Variants in CRYBG1 observed in about 807,000 individuals in gnomAD.
The protein encoded by CRYBG1 is beta/gamma crystallin domain-containing protein 1.
CRYBG1 carries 139 observed loss-of-function variants against 189.2 expected under a neutral mutation model. The observed-to-expected ratio is 0.73, with a 90% confidence interval of 0.64 to 0.85. The LOEUF (loss-of-function observed/expected upper bound fraction) is 0.85. Among genes scored for constraint, CRYBG1 ranks in the 40% least tolerant of loss-of-function variants. The pLI, the probability that CRYBG1 is intolerant of heterozygous loss-of-function variation, is 0.00. For synonymous variants in CRYBG1, 1,023 were observed against 1,017.1 expected, an observed-to-expected ratio of 1.01 and a Z score of -0.11; for missense variants, 2,611 against 2,675.8, an observed-to-expected ratio of 0.98 and a Z score of 0.53.
At chr6:106,510,016 T>A (rs1773213261) in intron 2 of CRYBG1, among the ~76,000 whole-genome samples, 1 of 152,170 alleles carries the variant, frequency 6.6e-6, no homozygotes, top group Non-Finnish European at 1.5e-5. Flanking sequence ...ATTTGCTGCA[T>A]GTAACTCAAA....
intron 1 of CRYBG1, among the ~76,000 whole-genome samples, chr6:106,396,745 G>A (rs1770622381): frequency 6.6e-6 from 1 of 152,310 alleles, no homozygotes; most frequent in African/African-American, 2.4e-5. Flanking sequence ...GCAGTGGCAT[G>A]ATCTCTGCTC....
intron 1 of CRYBG1, among the ~76,000 whole-genome samples, chr6:106,441,585 A>G (rs1771568225): frequency 6.6e-6 from 1 of 152,196 alleles, no homozygotes; most frequent in African/African-American, 2.4e-5. Flanking sequence ...CAGTTAATTG[A>G]ACTAATTCAT....
intron 1 of CRYBG1, among the ~76,000 whole-genome samples, chr6:106,430,723 G>A (rs186266281): frequency 2.9e-4 from 44 of 152,042 alleles, no homozygotes; most frequent in Admixed American, 7.2e-4. Context: ...ATATTATCTC[G>A]TGGCCTTTCC....
intron 1 of CRYBG1, among the ~76,000 whole-genome samples, chr6:106,380,656 G>C (rs1382564865): frequency 6.6e-6 from 1 of 152,198 alleles, no homozygotes; most frequent in African/African-American, 2.4e-5. Context: ...TGTTTATTCA[G>C]TGATGTCACT....
intron 2 of CRYBG1, among the ~76,000 whole-genome samples, chr6:106,469,852 G>A (rs9486358): frequency 0.01 from 1,535 of 152,314 alleles, 28 homozygotes; most frequent in African/African-American, 0.035. Flanking sequence ...GTAACCAACA[G>A]CTTTGACAAC....
At chr6:106,394,786 A>T (rs1770572741) in intron 1 of CRYBG1, among the ~76,000 whole-genome samples, 1 of 152,182 alleles carries the variant, frequency 6.6e-6, no homozygotes, top group Non-Finnish European at 1.5e-5. Flanking sequence ...GAAGAAAAGA[A>T]GAATATCCTT....
rs767966320 is a variant in CRYBG1, at chr6:106,552,209, G to A, written c.5465G>A (p.Arg1822Gln). The change falls in exon 15 of 22, where the codon CGA becomes CAA. Residue 1822 changes from arginine to glutamine, a missense_variant. This residue lies in a region of CRYBG1 where 1,622 missense variants were observed against 1,735.0 expected (regional missense o/e 0.93). Coordinates refer to ENST00000633556, the MANE Select transcript of CRYBG1 (RefSeq NM_001371242.2). ...GATTCTTTCACTGGCCCAAGGAGAC[G>A]AAATCAGGTAACTTTAAAAATATTC... ...CLDSFTGPRR[R>Q]NQIHLFSEPQ... The A allele has an allele frequency of 3.8e-5, 60 of 1,567,584 alleles. No homozygotes were observed. Among genetic ancestry groups the A allele is most frequent in the Non-Finnish European group, 5.0e-5 (57 of 1,150,204 alleles).
rs188131209 is a variant in CRYBG1, at chr6:106,419,026, C to T, written c.174-32668C>T. 7.9e-5 allele frequency among the ~76,000 whole-genome samples: 12 copies of T among 152,244 alleles called. No homozygotes were observed. The South Asian group carries it at 1.0e-3, about 13-fold the overall frequency. On this transcript the variant is annotated intron_variant, in intron 1 of 21. Transcript: ENST00000633556. ...TACCCTAATCTTTTATTATGCAAAT[C>T]GGTTTTTTCCTGGCCAGTGCCATGT...
chr6:106,517,387 CACATAT>C (rs1343188088), intron 3 of CRYBG1, among the ~76,000 whole-genome samples: 9 of 39,566 alleles, frequency 2.3e-4, no homozygotes, highest in Non-Finnish European at 7.4e-4. Context: ...CACATATACA[CACATAT>C]ATATATATAC....
intron 1 of CRYBG1, among the ~76,000 whole-genome samples, chr6:106,442,172 T>A (rs992486383): frequency 6.6e-6 from 1 of 152,180 alleles, no homozygotes; most frequent in Non-Finnish European, 1.5e-5. Context: ...CTAAAAAATG[T>A]TTGATACAAG....
chr6:106,571,954 C>T lies in CRYBG1; in HGVS notation c.*3388C>T. The T allele has an allele frequency of 6.7e-7, 1 of 1,495,522 alleles. No homozygotes were observed. Among genetic ancestry groups the T allele is most frequent in the African/African-American group, 1.4e-5 (1 of 72,168 alleles). The allele number at this position is 1,495,522 out of a possible 1,614,324, so 92.6% of individuals were successfully genotyped here. A position where few individuals can be genotyped will look rare whatever the true frequency, so the allele number is the denominator to read the frequency against. ...AAAAAAATTTGGGCTCACAGGCACT[C>T]ACCAAATAAGAACGTCAACAATCAC... On this transcript the variant is annotated 3_prime_UTR_variant, in exon 22 of 22. Transcript: ENST00000633556.
intron 4 of CRYBG1, among the ~76,000 whole-genome samples, chr6:106,521,790 C>T (rs1225982924): frequency 7.3e-6 from 1 of 137,294 alleles, no homozygotes; most frequent in Non-Finnish European, 1.5e-5. Context: ...GCAATCTCAG[C>T]TCACTGCAAC....
intron 4 of CRYBG1, 126 bp downstream of exon 4, chr6:106,521,579 A>G (rs966209989): frequency 1.8e-6 from 2 of 1,140,318 alleles, no homozygotes; most frequent in Non-Finnish European, 2.4e-6. Context: ...TTATTCATTC[A>G]TCACATATTT....
At position 106,465,779 on chromosome 6, in the gene CRYBG1, C is replaced by T. The variant is rs146371152; in HGVS notation, c.312+13947C>T. Among the ~76,000 whole-genome samples the T allele has an allele frequency of 4.5e-3, 688 of 152,238 alleles. 6 individuals are homozygous for T. Among genetic ancestry groups the T allele is most frequent in the African/African-American group, 0.016 (663 of 41,546 alleles). On this transcript the variant is annotated intron_variant, in intron 2 of 21. Transcript: ENST00000633556. ...CATTAACTTGTTATTTATACCCTGCCCTCTCAAATACAGGTCTTTTTTTGC... is the reference window on the plus strand; with the variant it reads ...CATTAACTTGTTATTTATACCCTGCTCTCTCAAATACAGGTCTTTTTTTGC...
intron 1 of CRYBG1, among the ~76,000 whole-genome samples, chr6:106,399,998 G>T (rs1001682630): frequency 6.6e-6 from 1 of 151,912 alleles, no homozygotes; most frequent in African/African-American, 2.4e-5. Context: ...TTAGCCAGGC[G>T]TGGTGGCACA....
chr6:106,484,355 G>A (rs1382066065), intron 2 of CRYBG1, among the ~76,000 whole-genome samples: 5 of 152,112 alleles, frequency 3.3e-5, no homozygotes, highest in African/African-American at 4.8e-5. Flanking sequence ...GTGCAGTAGC[G>A]TGATCATAGC....
chr6:106,560,992 A>C, intron 19 of CRYBG1, 66 bp downstream of exon 19: 1 of 1,462,410 alleles, frequency 6.8e-7, no homozygotes, highest in Non-Finnish European at 9.1e-7. Context: ...ATGCAATCCA[A>C]CTTTTTATCC....
At chr6:106,437,342 T>C (rs1000906676) in intron 1 of CRYBG1, among the ~76,000 whole-genome samples, 6 of 152,228 alleles carry the variant, frequency 3.9e-5, no homozygotes, top group African/African-American at 1.2e-4. Context: ...GAAAGTATTT[T>C]CTTGGCTTGT....
At position 106,521,193 on chromosome 6, in the gene CRYBG1, C is replaced by T. The variant is rs1773600918; in HGVS notation, c.3985C>T (p.His1329Tyr). The change falls in exon 4 of 22, where the codon CAC becomes TAC. Residue 1329 changes from histidine (H) to tyrosine (Y), a missense_variant. His to Tyr is a moderately conservative substitution (Grantham distance 83). Around this residue, in one of 3 missense-constraint regions of CRYBG1, gnomAD observed 1,622 missense variants for 1,735.0 expected, o/e 0.93. Transcript: ENST00000633556. The stretch of plus-strand genomic sequence containing the variant: ...ACACTCCAGTTTGAAAAGTCCAAGC[C>T]ACATGGAAAAATACCCGCAAAAAGA... ...TSHSSLKSPS[H>Y]MEKYPQKEKT... is the part of the protein sequence containing the mutation. 6.2e-7 allele frequency: 1 copy of T among 1,614,128 alleles called. No homozygotes were observed. Among genetic ancestry groups the T allele is most frequent in the Non-Finnish European group, 8.5e-7 (1 of 1,180,026 alleles).
Sources: allele counts gnomAD v4.1 joint callset (sites outside exome capture counted in the v4.1 genomes callset), GRCh38; gene constraint gnomAD v4.1.1; regional missense constraint gnomAD v4.1.1; transcripts MANE v1.5; gene names NCBI Gene and HGNC (gene_info 2026-07-23, HGNC 2026-07-21).